The following AGAP1 variants were observed in gnomAD, a reference collection of about 807,000 sequenced individuals.
The protein encoded by AGAP1 is arf-GAP with GTPase, ANK repeat and PH domain-containing protein 1.
In AGAP1, 29 loss-of-function variants were observed where a neutral mutation model predicts 105.3. That is an observed-to-expected ratio of 0.28 (90% CI 0.21 to 0.38). AGAP1 has a LOEUF of 0.38. AGAP1 is among the 10% of genes least tolerant of loss of function. The pLI is 1.00. For synonymous variants in AGAP1, 509 were observed against 485.9 expected, an observed-to-expected ratio of 1.05 and a Z score of -0.63; for missense variants, 998 against 1,165.1, an observed-to-expected ratio of 0.86 and a Z score of 2.09.
chr2:235,500,651 C>T lies in AGAP1; in HGVS notation c.163+5802C>T, dbSNP rs183003950. ...GGTCACGCAGGCTAAGTGTGGTGGA[C>T]GAGGGACTTAAACCAGATCTGAATG... On this transcript the variant is annotated intron_variant, in intron 1 of 17. Coordinates refer to ENST00000304032, the MANE Select transcript of AGAP1 (RefSeq NM_001037131.3). 5.8e-3 allele frequency among the ~76,000 whole-genome samples: 886 copies of T among 152,224 alleles called. 6 individuals are homozygous for T. Among genetic ancestry groups the T allele is most frequent in the Admixed American group, 8.7e-3 (133 of 15,284 alleles).
chr2:235,518,159 A>G (rs1403650586), intron 1 of AGAP1, among the ~76,000 whole-genome samples: 1 of 152,160 alleles, frequency 6.6e-6, no homozygotes, highest in Non-Finnish European at 1.5e-5. Flanking sequence ...TTGCCCGAAG[A>G]CGACTGTTCT....
chr2:235,670,643 G>A (rs768714826), intron 1 of AGAP1: 2 of 634,296 alleles, frequency 3.2e-6, no homozygotes, highest in Admixed American at 2.4e-5. Flanking sequence ...CGGGAGCCTG[G>A]CCTGGGCGCC....
At chr2:235,645,713 C>G (rs1022085116) in intron 1 of AGAP1, among the ~76,000 whole-genome samples, 1 of 152,122 alleles carries the variant, frequency 6.6e-6, no homozygotes, top group Non-Finnish European at 1.5e-5. Flanking sequence ...GAGACAAGGT[C>G]GGCCTGAGTG....
chr2:235,864,439 C>G lies in AGAP1; in HGVS notation c.1051-18906C>G, dbSNP rs754758509. Among the ~76,000 whole-genome samples, 1 of 152,158 alleles carries G rather than the reference C, an allele frequency of 6.6e-6. No individual in the cohort carries two copies. The highest frequency in any genetic ancestry group is 6.5e-5 in the Admixed American group (1 of 15,276). On this transcript the variant is annotated intron_variant, in intron 9 of 17. Transcript: ENST00000304032. The surrounding 1 kb of genome is among the most constrained non-coding windows in gnomAD (Gnocchi z 5.0). ...GGTAAGTGCCCGTTGGTTTTGTTTG[C>G]GGTTCTGGCCTCCAGGGCGGTCTGG... is the stretch of plus-strand genomic sequence containing the variant.
In AGAP1 at chr2:235,531,908, G is replaced by A. The variant is rs755129994; in HGVS notation, c.163+37059G>A. Among the ~76,000 whole-genome samples the A allele has an allele frequency of 4.6e-5, 7 of 152,182 alleles. 1 individual carries two copies. The highest frequency in any genetic ancestry group is 6.8e-3 in the Middle Eastern group (2 of 294). On this transcript the variant is annotated intron_variant, in intron 1 of 17. Transcript: ENST00000304032. ...ATTACAGACGTGAACCCCTGCACCCGGCCTAGCTTTGCTTTTAAATTGCAA... is the reference window on the plus strand; with the variant it reads ...ATTACAGACGTGAACCCCTGCACCCAGCCTAGCTTTGCTTTTAAATTGCAA...
At position 235,566,329 on chromosome 2, in the gene AGAP1, A is replaced by G. The variant is rs1006870853; in HGVS notation, c.163+71480A>G. 2.4e-4 allele frequency among the ~76,000 whole-genome samples: 37 copies of G among 152,136 alleles called. No homozygotes were observed. The highest frequency in any genetic ancestry group is 8.2e-4 in the African/African-American group (34 of 41,424). On this transcript the variant is annotated intron_variant, in intron 1 of 17. Coordinates refer to ENST00000304032, the MANE Select transcript of AGAP1 (RefSeq NM_001037131.3). The surrounding 1 kb of genome is among the most constrained non-coding windows in gnomAD (Gnocchi z 5.2). ...TGGTCTCGAACTGCCTTGGCCTCCT[A>G]AAGTGTTGGGATTACAGATATAAGC...
In AGAP1 at chr2:235,517,703, G is replaced by A. The variant is rs1489736475; in HGVS notation, c.163+22854G>A. Among the ~76,000 whole-genome samples the A allele has an allele frequency of 1.3e-5, 2 of 152,116 alleles. No individual in the cohort carries two copies. Among genetic ancestry groups the A allele is most frequent in the Non-Finnish European group, 2.9e-5 (2 of 68,020 alleles). On this transcript the variant is annotated intron_variant, in intron 1 of 17. Transcript: ENST00000304032. This position sits in a 1 kb window ranked among gnomAD's most constrained non-coding sequence, Gnocchi z 4.1. ...TGTAATCCCAGCACTCTGGGAGGCC[G>A]AGGCAGACAGATCACTTGAGGTCAG... is the stretch of plus-strand genomic sequence containing the variant.
chr2:235,909,421 G>A (rs2051467172), intron 11 of AGAP1, among the ~76,000 whole-genome samples: 1 of 151,938 alleles, frequency 6.6e-6, no homozygotes, highest in Non-Finnish European at 1.5e-5. Context: ...TTTCATTCAG[G>A]ATCAGAGAAA....
chr2:235,747,354 G>A lies in AGAP1; in HGVS notation c.538+2515G>A, dbSNP rs1385687984. On this transcript the variant is annotated intron_variant, in intron 5 of 17. Transcript: ENST00000304032. The surrounding 1 kb of genome is among the most constrained non-coding windows in gnomAD (Gnocchi z 5.0). ...CCATGAACATCCGTTGATCGGATGT[G>A]GAAAGATGCCCAGGAAGGCCCCAGG... 9.2e-5 allele frequency among the ~76,000 whole-genome samples: 14 copies of A among 152,160 alleles called. No homozygotes were observed. Among genetic ancestry groups the A allele is most frequent in the Admixed American group, 9.2e-4 (14 of 15,280 alleles).
In AGAP1 at chr2:235,930,902, G is replaced by C. The variant is rs147756633; in HGVS notation, c.1462G>C (p.Ala488Pro). Residue 488 changes from alanine (A) to proline (P), a missense_variant, in exon 12 of 18, where the codon GCA (alanine) becomes CCA (proline). Around this residue, in one of 3 missense-constraint regions of AGAP1, gnomAD observed 735 missense variants for 833.4 expected, o/e 0.88. Transcript: ENST00000304032. This position sits in a 1 kb window ranked among gnomAD's most constrained non-coding sequence, Gnocchi z 7.9. Reference protein sequence around the residue: ...ADQWSEATVIANSAISSDTGL... With the variant: ...ADQWSEATVIPNSAISSDTGL... ...CCAGTGGAGTGAGGCTACGGTCATTGCAAACTCGGCCATCAGCAGTGGTAA... is the reference window on the plus strand; with the variant it reads ...CCAGTGGAGTGAGGCTACGGTCATTCCAAACTCGGCCATCAGCAGTGGTAA... The C allele has an allele frequency of 8.4e-5, 135 of 1,613,740 alleles. No homozygotes were observed. The highest frequency in any genetic ancestry group is 1.6e-4 in the Middle Eastern group (1 of 6,078).
intron 1 of AGAP1, among the ~76,000 whole-genome samples, chr2:235,520,057 T>C (rs1443227796): frequency 6.6e-6 from 1 of 152,162 alleles, no homozygotes; most frequent in African/African-American, 2.4e-5. Flanking sequence ...GCTGGGATTA[T>C]AGGCATGAGC....
chr2:235,561,096 T>C (rs1434587836), intron 1 of AGAP1, among the ~76,000 whole-genome samples: 3 of 152,192 alleles, frequency 2.0e-5, no homozygotes, highest in Non-Finnish European at 4.4e-5. Context: ...GCCTAGGGTG[T>C]CCATTTAGCC....
rs1025928570 is a variant in AGAP1, at chr2:235,845,776, C to T, written c.1051-37569C>T. Among the ~76,000 whole-genome samples, 8 of 152,092 alleles carry T rather than the reference C, an allele frequency of 5.3e-5. No homozygotes were observed. The highest frequency in any genetic ancestry group is 1.9e-4 in the African/African-American group (8 of 41,414). On this transcript the variant is annotated intron_variant, in intron 9 of 17. Coordinates refer to ENST00000304032, the MANE Select transcript of AGAP1 (RefSeq NM_001037131.3). This position sits in a 1 kb window ranked among gnomAD's most constrained non-coding sequence, Gnocchi z 4.8. ...CGAGATGGTCACCAAGTCCTTCTTC[C>T]CTTTCTTCCTGAGCATCTGTCCCGT...
intron 3 of AGAP1, among the ~76,000 whole-genome samples, chr2:235,726,587 C>T (rs751125044): frequency 6.6e-6 from 1 of 152,182 alleles, no homozygotes; most frequent in Admixed American, 6.5e-5. Flanking sequence ...ACTGCTCCTC[C>T]CGTCTGCCCA....
At position 235,842,573 on chromosome 2, in the gene AGAP1, T is replaced by C. The variant is rs1960990433; in HGVS notation, c.1050+35242T>C. On this transcript the variant is annotated intron_variant, in intron 9 of 17. Coordinates refer to ENST00000304032, the MANE Select transcript of AGAP1 (RefSeq NM_001037131.3). The surrounding 1 kb of genome is among the most constrained non-coding windows in gnomAD (Gnocchi z 5.3). Reference sequence around the variant, plus strand: ...TTTGATATGATTGGTTCTTTTGTAATCCTATGAATTTAAACCTAATACTTT... The same window carrying C: ...TTTGATATGATTGGTTCTTTTGTAACCCTATGAATTTAAACCTAATACTTT... 6.6e-6 allele frequency among the ~76,000 whole-genome samples: 1 copy of C among 152,144 alleles called. No individual in the cohort carries two copies. Among genetic ancestry groups the C allele is most frequent in the South Asian group, 2.1e-4 (1 of 4,820 alleles).
At chr2:235,850,569 G>A (rs2048397719) in intron 9 of AGAP1, among the ~76,000 whole-genome samples, 1 of 152,276 alleles carries the variant, frequency 6.6e-6, no homozygotes, top group South Asian at 2.1e-4. Flanking sequence ...CTTGGGAAAT[G>A]AGGGTGCGGT....
chr2:235,911,971 G>C (rs911587175), intron 11 of AGAP1, among the ~76,000 whole-genome samples: 2 of 152,220 alleles, frequency 1.3e-5, no homozygotes, highest in Non-Finnish European at 2.9e-5. Context: ...GCTAAGGGAA[G>C]TGGCACCCTG....
rs905116049 is a variant in AGAP1 at position 235,960,720 on chromosome 2, G to T, written c.1484-7742G>T. Among the ~76,000 whole-genome samples, 1 of 152,228 alleles carries T rather than the reference G, an allele frequency of 6.6e-6. No homozygotes were observed. The highest frequency in any genetic ancestry group is 1.9e-4 in the East Asian group (1 of 5,194). On this transcript the variant is annotated intron_variant, in intron 12 of 17. Coordinates refer to ENST00000304032, the MANE Select transcript of AGAP1 (RefSeq NM_001037131.3). This position sits in a 1 kb window ranked among gnomAD's most constrained non-coding sequence, Gnocchi z 4.9. ...TAGAAATCAGCCCCGTGGGACAGGG[G>T]TCTTGCCCTTTATTCTCTGACAGCG...
chr2:235,982,255 A>C lies in AGAP1; in HGVS notation c.1645+13632A>C, dbSNP rs1559722115. On this transcript the variant is annotated intron_variant, in intron 13 of 17. Transcript: ENST00000304032. This position sits in a 1 kb window ranked among gnomAD's most constrained non-coding sequence, Gnocchi z 4.9. The stretch of plus-strand genomic sequence containing the variant: ...AAAGAGAATCAAAGAGTCAGTAAAC[A>C]TGCAGAAACACTTTTAGCTGTGAAT... Among the ~76,000 whole-genome samples, 1 of 152,234 alleles carries C rather than the reference A, an allele frequency of 6.6e-6. No homozygotes were observed. The highest frequency in any genetic ancestry group is 2.4e-5 in the African/African-American group (1 of 41,446).
Sources: gnomAD v4.1 joint callset for allele counts (sites outside exome capture counted in the v4.1 genomes callset) on GRCh38, gnomAD v4.1.1 for gene constraint, gnomAD v4.1.1 regional missense constraint, Gnocchi (gnomAD v3.1) non-coding constraint, MANE v1.5 for transcripts, NCBI Gene and HGNC (gene_info 2026-07-23, HGNC 2026-07-21) for gene names.